NFATC2IP: variants seen among roughly 807,000 people sequenced by gnomAD.
NFATC2IP encodes NFATC2-interacting protein.
NFATC2IP carries 25 observed loss-of-function variants against 40.2 expected under a neutral mutation model. The ratio of observed to expected loss-of-function variants is 0.62; its 90% CI spans 0.45 to 0.87. The LOEUF (loss-of-function observed/expected upper bound fraction) is 0.87. NFATC2IP is among the 40% of genes least tolerant of loss of function. NFATC2IP has a pLI of 0.00. For synonymous variants in NFATC2IP, 241 were observed against 236.3 expected (o/e 1.02, Z -0.18); for missense variants, 553 against 555.6 (o/e 1.00, Z 0.05).
In NFATC2IP at chr16:28,955,992, C is replaced by T; in HGVS notation, c.593C>T (p.Ser198Phe). Residue 198 changes from serine (S) to phenylalanine (F), a missense_variant, in exon 4 of 8, where the codon TCT becomes TTT. Coordinates refer to ENST00000320805, the MANE Select transcript of NFATC2IP (RefSeq NM_032815.4). ...TGCTTCTACAGGGATCTGGACAACT[C>T]TCCTCTGTCCCCACCTTCACCAAGG... The part of the protein sequence containing the change: ...KKTEFLDLDN[S>F]PLSPPSPRTK... The T allele has an allele frequency of 3.7e-6, 6 of 1,613,952 alleles. No homozygotes were observed. The highest frequency in any genetic ancestry group is 5.1e-6 in the Non-Finnish European group (6 of 1,179,820).
intron 5 of NFATC2IP, chr16:28,956,669 T>C (rs1027781044): frequency 4.0e-6 from 1 of 251,486 alleles, no homozygotes; most frequent in Non-Finnish European, 7.7e-6. Flanking sequence ...TCGTCCCTCA[T>C]TGACCTCCCA....
chr16:28,963,765 A>G lies in NFATC2IP; in HGVS notation c.1162A>G (p.Lys388Glu). Residue 388 changes from lysine to glutamate, a missense_variant, in exon 8 of 8, where the codon AAG becomes GAG. Lys to Glu is a moderately conservative substitution (Grantham distance 56). Coordinates refer to ENST00000320805, the MANE Select transcript of NFATC2IP (RefSeq NM_032815.4). ...YEEAMGLSGR[K>E]LSFFFDGTKL... ...GGAGGCCATGGGACTGTCGGGACGG[A>G]AGCTCTCCTTCTTCTTTGATGGGAC... The G allele has an allele frequency of 6.2e-7, 1 of 1,614,100 alleles. No homozygotes were observed. The highest frequency in any genetic ancestry group is 8.5e-7 in the Non-Finnish European group (1 of 1,179,960).
In NFATC2IP at chr16:28,952,181, T is replaced by G. The variant is rs1446608768; in HGVS notation, c.437T>G (p.Leu146Arg). The change falls in exon 2 of 8, where the codon CTC (leucine) becomes CGC (arginine). Residue 146 changes from leucine to arginine, a missense_variant. Physicochemically the swap from Leu to Arg is moderately radical, Grantham distance 102. Coordinates refer to ENST00000320805, the MANE Select transcript of NFATC2IP (RefSeq NM_032815.4). ...LIPDDLSLLK[L>R]YPPGDEEEAE... ...CCAGATGATCTATCCCTCCTGAAAC[T>G]CTACCCTCCAGGGGATGAGGAAGGT... 1.2e-6 allele frequency: 2 copies of G among 1,613,484 alleles called. No individual in the cohort carries two copies. The highest frequency in any genetic ancestry group is 2.2e-5 in the South Asian group (2 of 91,048).
intron 5 of NFATC2IP, chr16:28,956,541 C>G (rs1029230755): frequency 1.2e-5 from 7 of 572,908 alleles, no homozygotes; most frequent in African/African-American, 9.4e-5. Flanking sequence ...CCCTCTCTTT[C>G]TGGCAAACTT....
At chr16:28,963,622 C>A in intron 7 of NFATC2IP, 83 bp from the exon 8 acceptor site, 1 of 1,262,074 alleles carries the variant, frequency 7.9e-7, no homozygotes, top group Non-Finnish European at 1.1e-6. Flanking sequence ...GCCATCCTCC[C>A]TGTCCCAAGT....
At chr16:28,962,710 T>C (rs1295245156) in intron 7 of NFATC2IP, among the ~76,000 whole-genome samples, 3 of 152,196 alleles carry the variant, frequency 2.0e-5, no homozygotes, top group East Asian at 1.9e-4. Flanking sequence ...AGACCAAATA[T>C]ATATTTGACA....
chr16:28,960,383 C>G (rs1024475505), intron 7 of NFATC2IP, among the ~76,000 whole-genome samples: 2 of 152,122 alleles, frequency 1.3e-5, no homozygotes. Flanking sequence ...CATCCCATTC[C>G]AATATCCCTA....
chr16:28,964,827 T>C lies in NFATC2IP; in HGVS notation c.*964T>C, dbSNP rs1965127633. 1 of 152,260 alleles carries C rather than the reference T, an allele frequency of 6.6e-6. No individual in the cohort carries two copies. The highest frequency in any genetic ancestry group is 2.4e-5 in the African/African-American group (1 of 41,474). The allele number at this position is 152,260 out of a possible 1,614,324, so 9.4% of individuals were successfully genotyped here. A position where few individuals can be genotyped will look rare whatever the true frequency, so the allele number is the denominator to read the frequency against. ...ACCTGCCATGTGGCACTCCACAATG[T>C]CAATTGCAGTTTACACACATTGCCT... is the stretch of plus-strand genomic sequence containing the variant. On this transcript the variant is annotated 3_prime_UTR_variant, in exon 8 of 8. Transcript: ENST00000320805.
At position 28,963,726 on chromosome 16, in the gene NFATC2IP, A is replaced by G; in HGVS notation, c.1123A>G (p.Met375Val). 1 of 1,613,968 alleles carries G rather than the reference A, an allele frequency of 6.2e-7. No homozygotes were observed. Among genetic ancestry groups the G allele is most frequent in the Non-Finnish European group, 8.5e-7 (1 of 1,179,860 alleles). Reference protein sequence around the residue: ...LSRDSPLKTLMSHYEEAMGLS... With the variant: ...LSRDSPLKTLVSHYEEAMGLS... ...CCAGGATTCCCCTCTAAAGACCCTC[A>G]TGTCCCACTATGAGGAGGCCATGGG... The change falls in exon 8 of 8, where the codon ATG (methionine) becomes GTG (valine). Residue 375 changes from methionine to valine, a missense_variant. Met to Val is a conservative substitution (Grantham distance 21). Coordinates refer to ENST00000320805, the MANE Select transcript of NFATC2IP (RefSeq NM_032815.4).
intron 2 of NFATC2IP, among the ~76,000 whole-genome samples, chr16:28,953,834 C>T (rs1235482848): frequency 6.6e-6 from 1 of 151,854 alleles, no homozygotes; most frequent in Admixed American, 6.6e-5. Flanking sequence ...GGGAGAAACA[C>T]CTGAGCCCAG....
chr16:28,952,209 G>A lies in NFATC2IP; in HGVS notation c.460+5G>A, dbSNP rs764175721. 35 of 1,613,642 alleles carry A rather than the reference G, an allele frequency of 2.2e-5. 1 individual carries two copies. In the East Asian group the frequency reaches 6.7e-4, roughly 31 times the overall value. The stretch of plus-strand genomic sequence containing the variant: ...ACCCTCCAGGGGATGAGGAAGGTAA[G>A]GGAGGGCCTCCAGGGAGAGGCACGC... On this transcript the variant is annotated splice_donor_5th_base_variant and intron_variant, in intron 2 of 7. Coordinates refer to ENST00000320805, the MANE Select transcript of NFATC2IP (RefSeq NM_032815.4).
intron 7 of NFATC2IP, among the ~76,000 whole-genome samples, chr16:28,961,937 TCTGTTGCCCAGG>T (rs1467248090): frequency 6.9e-6 from 1 of 144,772 alleles, no homozygotes; most frequent in African/African-American, 2.5e-5. Flanking sequence ...AGGGTCTTGC[TCTGTTGCCCAGG>T]CTGGAGTGCA....
chr16:28,959,114 A>G lies in NFATC2IP; in HGVS notation c.1101+14A>G. 6.8e-7 allele frequency: 1 copy of G among 1,481,400 alleles called. No homozygotes were observed. Among genetic ancestry groups the G allele is most frequent in the Non-Finnish European group, 9.4e-7 (1 of 1,058,988 alleles). 91.8% of individuals were successfully genotyped at this position (1,481,400 alleles called of 1,614,324 possible). A position where few individuals can be genotyped will look rare whatever the true frequency, so the allele number is the denominator to read the frequency against. ...TCACTGTCTCGAGTGAGTGGGAGAG[A>G]TGGCTCTCCACGCCCCTCACCCTGT... is the stretch of plus-strand genomic sequence containing the variant. On this transcript the variant is annotated intron_variant, in intron 7 of 7. Transcript: ENST00000320805.
rs1193926937 is a variant in NFATC2IP, at chr16:28,951,075, C to CGGGGCGGCT, written c.72_80dup (p.Trp25_Gly27dup). On this transcript the variant is annotated inframe_insertion, in exon 1 of 8. Coordinates refer to ENST00000320805, the MANE Select transcript of NFATC2IP (RefSeq NM_032815.4). ...AGGTAGCGGTGCCGGCCGAGGGGGTCGGGGCGGCTGGGGCGGTCGGGGCCG... is the reference window on the plus strand; with the variant it reads ...AGGTAGCGGTGCCGGCCGAGGGGGTCGGGGCGGCTGGGGCGGCTGGGGCGGTCGGGGCCG... 8.4e-6 allele frequency: 13 copies of CGGGGCGGCT among 1,539,046 alleles called. No homozygotes were observed. In the African/African-American group the frequency reaches 1.8e-4, roughly 21 times the overall value.
chr16:28,953,522 C>T (rs1484008355), intron 2 of NFATC2IP, among the ~76,000 whole-genome samples: 5 of 152,152 alleles, frequency 3.3e-5, no homozygotes, highest in African/African-American at 7.2e-5. Context: ...TGCTTTAGGA[C>T]AGTACCTAGG....
Position 28,963,701 on chromosome 16 carries a change from C to G in NFATC2IP, c.1102-4C>G, listed in dbSNP as rs1187597570. 1 of 1,613,682 alleles carries G rather than the reference C, an allele frequency of 6.2e-7. No individual in the cohort carries two copies. Among genetic ancestry groups the G allele is most frequent in the Admixed American group, 1.7e-5 (1 of 59,980 alleles). On this transcript the variant is annotated splice_region_variant and splice_polypyrimidine_tract_variant and intron_variant, in intron 7 of 7. Transcript: ENST00000320805. ...GACGTCCATTTTCTTTTGTCTCCAT[C>G]CAGGATTCCCCTCTAAAGACCCTCA... is the stretch of plus-strand genomic sequence containing the variant.
rs1385084175 is a variant in NFATC2IP at position 28,963,988 on chromosome 16, T to C, written c.*125T>C. ...TTTAAGCTGCAGCAAAATCAAGGAGTGACTTTTGTCCCCTCTCCTGTTGAC... is the reference window on the plus strand; with the variant it reads ...TTTAAGCTGCAGCAAAATCAAGGAGCGACTTTTGTCCCCTCTCCTGTTGAC... On this transcript the variant is annotated 3_prime_UTR_variant, in exon 8 of 8. Coordinates refer to ENST00000320805, the MANE Select transcript of NFATC2IP (RefSeq NM_032815.4). 2 of 899,804 alleles carry C rather than the reference T, an allele frequency of 2.2e-6. No homozygotes were observed. Among genetic ancestry groups the C allele is most frequent in the East Asian group, 5.3e-5 (2 of 37,752 alleles). The allele number at this position is 899,804 out of a possible 1,614,324, so 55.7% of individuals were successfully genotyped here. A position where few individuals can be genotyped will look rare whatever the true frequency, so the allele number is the denominator to read the frequency against.
chr16:28,963,969 C>T lies in NFATC2IP; in HGVS notation c.*106C>T. The stretch of plus-strand genomic sequence containing the variant: ...AGCTGAGGTAGAACTTATCTTTAAG[C>T]TGCAGCAAAATCAAGGAGTGACTTT... On this transcript the variant is annotated 3_prime_UTR_variant, in exon 8 of 8. Coordinates refer to ENST00000320805, the MANE Select transcript of NFATC2IP (RefSeq NM_032815.4). The T allele has an allele frequency of 9.4e-7, 1 of 1,063,790 alleles. No individual in the cohort carries two copies. Among genetic ancestry groups the T allele is most frequent in the Non-Finnish European group, 1.4e-6 (1 of 735,108 alleles). 65.9% of individuals were successfully genotyped at this position (1,063,790 alleles called of 1,614,324 possible). A position where few individuals can be genotyped will look rare whatever the true frequency, so the allele number is the denominator to read the frequency against.
At chr16:28,961,626 C>T (rs1031996544) in intron 7 of NFATC2IP, among the ~76,000 whole-genome samples, 4 of 151,854 alleles carry the variant, frequency 2.6e-5, no homozygotes, top group South Asian at 2.1e-4. Context: ...CAGGGCCAGA[C>T]GTGGTGGCTC....
Sources: gnomAD v4.1 joint callset for allele counts (sites outside exome capture counted in the v4.1 genomes callset) on GRCh38, gnomAD v4.1.1 for gene constraint, MANE v1.5 for transcripts, NCBI Gene and HGNC (gene_info 2026-07-23, HGNC 2026-07-21) for gene names.